The following NRG1 variants were observed in gnomAD, a reference collection of about 807,000 sequenced individuals.
The protein encoded by NRG1 is pro-neuregulin-1, membrane-bound isoform.
Under a neutral mutation model 63.8 loss-of-function variants are expected in NRG1, and 18 were observed. The ratio of observed to expected loss-of-function variants is 0.28; its 90% confidence interval spans 0.19 to 0.42. The LOEUF (loss-of-function observed/expected upper bound fraction) is 0.42, where lower values mean the gene tolerates loss of function less well. Ranked by LOEUF, NRG1 falls within the 10% of genes least tolerant of loss-of-function variation. The pLI is 1.00. For synonymous variants in NRG1, 302 were observed against 301.3 expected (o/e 1.00, Z -0.02); for missense variants, 762 against 814.7 (o/e 0.94, Z 0.79).
chr8:32,259,385 C>T (rs1850108384), intron 1 of NRG1, among the ~76,000 whole-genome samples: 1 of 152,042 alleles, frequency 6.6e-6, no homozygotes, highest in South Asian at 2.1e-4. Flanking sequence ...GAGAGGGTTC[C>T]TGATAAAAGC....
chr8:32,382,136 T>C (rs1009950861), intron 1 of NRG1, among the ~76,000 whole-genome samples: 5 of 152,214 alleles, frequency 3.3e-5, no homozygotes, highest in Admixed American at 6.5e-5. Flanking sequence ...TGCAGTCTTA[T>C]GAAGTGAGTA....
At chr8:32,740,849 C>T (rs1826154856) in intron 6 of NRG1, among the ~76,000 whole-genome samples, 1 of 152,082 alleles carries the variant, frequency 6.6e-6, no homozygotes, top group Non-Finnish European at 1.5e-5. Context: ...AGTATGTATT[C>T]TTATTTACTC....
chr8:32,015,774 T>A (rs1166895983), intron 1 of NRG1, among the ~76,000 whole-genome samples: 1 of 152,124 alleles, frequency 6.6e-6, no homozygotes, highest in Non-Finnish European at 1.5e-5. Flanking sequence ...CTTTGCCACT[T>A]TACATCTATC....
intron 1 of NRG1, among the ~76,000 whole-genome samples, chr8:31,937,366 T>C (rs327344): frequency 0.9 from 136,864 of 152,230 alleles, 62,323 homozygotes; most frequent in African/African-American, 0.97. Context: ...AAGAAAAAGA[T>C]ATTTTAGGTT....
chr8:32,413,729 C>T lies in NRG1; in HGVS notation c.38-182099C>T, dbSNP rs182324771. Among the ~76,000 whole-genome samples the T allele has an allele frequency of 2.0e-5, 3 of 152,274 alleles. No homozygotes were observed. The East Asian group carries it at 5.8e-4, about 29-fold the overall frequency. On this transcript the variant is annotated intron_variant, in intron 1 of 10. Coordinates refer to the NRG1 transcript ENST00000519301. The stretch of plus-strand genomic sequence containing the variant: ...GAACATATGATTGATCCTAGTTCAC[C>T]TGCTGAACATGCATAGGCAGTGTGC...
intron 1 of NRG1, among the ~76,000 whole-genome samples, chr8:32,517,393 T>A (rs903917870): frequency 2.0e-5 from 3 of 152,150 alleles, no homozygotes; most frequent in Non-Finnish European, 2.9e-5. Context: ...GTATTCAGGA[T>A]ATACCTTCTA....
chr8:32,062,449 G>A (rs775802139), intron 1 of NRG1, among the ~76,000 whole-genome samples: 11 of 151,982 alleles, frequency 7.2e-5, no homozygotes, highest in Non-Finnish European at 2.9e-5. Flanking sequence ...TTACTTGTAC[G>A]GATATGCTGG....
chr8:32,609,488 A>G (rs1055143897), intron 3 of NRG1, among the ~76,000 whole-genome samples: 1 of 151,550 alleles, frequency 6.6e-6, no homozygotes, highest in Admixed American at 6.6e-5. Flanking sequence ...TGTCTTCCTA[A>G]ATAGATATTT....
chr8:32,013,722 A>C (rs1455456803), intron 1 of NRG1, among the ~76,000 whole-genome samples: 1 of 152,122 alleles, frequency 6.6e-6, no homozygotes, highest in African/African-American at 2.4e-5. Context: ...CTCAAAACTC[A>C]CTACATTCTG....
chr8:32,452,150 A>G (rs1486136162), intron 1 of NRG1, among the ~76,000 whole-genome samples: 2 of 152,140 alleles, frequency 1.3e-5, no homozygotes, highest in African/African-American at 4.8e-5. Context: ...TGATCAAGTC[A>G]TTCTCAAAAA....
At chr8:32,745,675 G>GGTGTGTGTGT (rs139114923) in intron 7 of NRG1, among the ~76,000 whole-genome samples, 7,009 of 151,086 alleles carry the variant, frequency 0.046, 547 homozygotes, top group African/African-American at 0.16. Context: ...GTGTGTGGGG[G>GGTGTGTGTGT]GTGTGTGTGT....
At chr8:32,063,368 TTGTC>T (rs1201865944) in intron 1 of NRG1, 1 of 152,114 alleles carries the variant, frequency 6.6e-6, no homozygotes. Flanking sequence ...ATCAAATTAT[TTGTC>T]TGACCAATGC....
intron 1 of NRG1, among the ~76,000 whole-genome samples, chr8:32,339,704 T>A (rs1486132172): frequency 1.3e-5 from 2 of 152,224 alleles, no homozygotes; most frequent in Non-Finnish European, 2.9e-5. Flanking sequence ...TGACGTTTAG[T>A]AATTTCATTT....
chr8:32,010,446 G>A (rs1814566955), intron 1 of NRG1, among the ~76,000 whole-genome samples: 1 of 151,958 alleles, frequency 6.6e-6, no homozygotes. Flanking sequence ...GGGCACTAAA[G>A]AAAACTACAG....
chr8:31,833,164 T>C (rs1586706943), intron 1 of NRG1, among the ~76,000 whole-genome samples: 3 of 152,224 alleles, frequency 2.0e-5, no homozygotes, highest in South Asian at 4.2e-4. Flanking sequence ...AAGAGTGGGA[T>C]TGGGGGCAAA....
At position 32,573,162 on chromosome 8, in the gene NRG1, C is replaced by G. The variant is rs186695473; in HGVS notation, c.101-22666C>G. On this transcript the variant is annotated intron_variant, in intron 1 of 11. Coordinates refer to ENST00000356819, the Ensembl canonical transcript of NRG1. Reference sequence around the variant, plus strand: ...TTGTTCATAGACCTCAAAATGCAGACCCTGCATGGATTATTCCCATTCTGC... The same window carrying G: ...TTGTTCATAGACCTCAAAATGCAGAGCCTGCATGGATTATTCCCATTCTGC... Among the ~76,000 whole-genome samples, 17 of 152,300 alleles carry G rather than the reference C, an allele frequency of 1.1e-4. No individual in the cohort carries two copies. The East Asian group carries it at 3.1e-3, about 28-fold the overall frequency.
At chr8:31,755,914 G>A (rs541956614) in intron 1 of NRG1, among the ~76,000 whole-genome samples, 6 of 152,114 alleles carry the variant, frequency 3.9e-5, no homozygotes, top group African/African-American at 1.4e-4. Flanking sequence ...GATCAAGCTT[G>A]TTTATGGTGG....
intron 1 of NRG1, among the ~76,000 whole-genome samples, chr8:32,303,183 CCAAAAAA>C (rs1318070777): frequency 1.3e-3 from 76 of 59,708 alleles, no homozygotes; most frequent in African/African-American, 1.4e-3. Flanking sequence ...AACTCAGTCT[CCAAAAAA>C]AAAAAAAAAA....
At chr8:32,753,584 A>G (rs756493610) in intron 7 of NRG1, among the ~76,000 whole-genome samples, 1 of 152,170 alleles carries the variant, frequency 6.6e-6, no homozygotes, top group Non-Finnish European at 1.5e-5. Flanking sequence ...CCTAAGTACA[A>G]TTGGTGGAGT....
Sources: gnomAD v4.1 joint callset for allele counts (sites outside exome capture counted in the v4.1 genomes callset) on GRCh38, gnomAD v4.1.1 for gene constraint, MANE v1.5 for transcripts, NCBI Gene and HGNC (gene_info 2026-07-23, HGNC 2026-07-21) for gene names.